SLC6A11: variants seen among roughly 807,000 people sequenced by gnomAD.
The protein encoded by SLC6A11 is sodium- and chloride-dependent GABA transporter 3.
In SLC6A11, 25 loss-of-function variants were observed where a neutral mutation model predicts 74.8. The ratio of observed to expected loss-of-function variants is 0.33; its 90% CI spans 0.24 to 0.47. SLC6A11 has a LOEUF of 0.47. SLC6A11 is among the 20% of genes least tolerant of loss of function. SLC6A11 has a pLI of 1.00. For missense variants in SLC6A11, 574 were observed against 837.0 expected (o/e 0.69, Z 3.88); for synonymous variants, 330 against 330.2 (o/e 1.00, Z 0.01).
chr3:10,855,512 A>T (rs544492315), intron 5 of SLC6A11, among the ~76,000 whole-genome samples: 1 of 152,296 alleles, frequency 6.6e-6, no homozygotes, highest in South Asian at 2.1e-4. Context: ...TCTTATCAGC[A>T]GCAGCATCCA....
chr3:10,901,697 G>C (rs1444290555), intron 6 of SLC6A11, among the ~76,000 whole-genome samples: 1 of 152,198 alleles, frequency 6.6e-6, no homozygotes, highest in Non-Finnish European at 1.5e-5. Context: ...ATCCACCAGG[G>C]AGGGAGCATT....
rs200575540 is a variant in SLC6A11 at position 10,819,699 on chromosome 3, T to G, written c.392-13T>G. The G allele has an allele frequency of 6.2e-7, 1 of 1,613,186 alleles. No individual in the cohort carries two copies. The highest frequency in any genetic ancestry group is 2.2e-5 in the East Asian group (1 of 44,878). Reference sequence around the variant, plus strand: ...GATAGACTCAAATTCCTTCCTTTCTTTTGTCCTTTCAGGCATTGGCTATGC... The same window carrying G: ...GATAGACTCAAATTCCTTCCTTTCTGTTGTCCTTTCAGGCATTGGCTATGC... On this transcript the variant is annotated splice_polypyrimidine_tract_variant and intron_variant, in intron 2 of 13. Transcript: ENST00000254488.
chr3:10,887,324 A>T (rs1695056488), intron 6 of SLC6A11, among the ~76,000 whole-genome samples: 1 of 152,124 alleles, frequency 6.6e-6, no homozygotes, highest in Admixed American at 6.6e-5. Context: ...GGATGGATGG[A>T]TGGATGGATG....
rs975832737 is a variant in SLC6A11, at chr3:10,929,208, T to C, written c.1240T>C (p.Cys414Arg). Residue 414 changes from cysteine to arginine, a missense_variant, in exon 10 of 14, where the codon TGT (cysteine) becomes CGT (arginine). Cys to Arg is a radical substitution (Grantham distance 180, BLOSUM62 -3). This residue lies in a region of SLC6A11 where 257 missense variants were observed against 341.5 expected (regional missense o/e 0.75). Coordinates refer to ENST00000254488, the MANE Select transcript of SLC6A11 (RefSeq NM_014229.3). ...ATCATATCTCCCCATCCAGTTTGTG[T>C]GTGTGGAAAGCCTGGTGACCGCCGT... The part of the protein sequence containing the change: ...IFLGLDSQFV[C>R]VESLVTAVVD... 6.2e-7 allele frequency: 1 copy of C among 1,613,982 alleles called. No individual in the cohort carries two copies. The highest frequency in any genetic ancestry group is 8.5e-7 in the Non-Finnish European group (1 of 1,179,962).
chr3:10,937,505 G>A (rs1307943193), intron 13 of SLC6A11, among the ~76,000 whole-genome samples: 3 of 152,238 alleles, frequency 2.0e-5, no homozygotes, highest in Non-Finnish European at 4.4e-5. Context: ...ACCTTCCTCG[G>A]GAAATGGTTT....
intron 8 of SLC6A11, among the ~76,000 whole-genome samples, chr3:10,925,729 C>T (rs1695595948): frequency 1.3e-5 from 2 of 152,158 alleles, no homozygotes; most frequent in African/African-American, 4.8e-5. Context: ...AGAGACATGT[C>T]CAGAGGAAGG....
intron 4 of SLC6A11, among the ~76,000 whole-genome samples, chr3:10,841,369 T>A (rs903198641): frequency 6.6e-6 from 1 of 152,112 alleles, no homozygotes; most frequent in African/African-American, 2.4e-5. Context: ...CCAGCCCCCA[T>A]CCTCTCAAAG....
chr3:10,882,810 C>G (rs868850202), intron 6 of SLC6A11, among the ~76,000 whole-genome samples: 1 of 152,162 alleles, frequency 6.6e-6, no homozygotes, highest in Non-Finnish European at 1.5e-5. Flanking sequence ...ACAGCCTGCC[C>G]CTTGACCTCT....
At chr3:10,899,324 C>T (rs949581934) in intron 6 of SLC6A11, among the ~76,000 whole-genome samples, 33 of 152,194 alleles carry the variant, frequency 2.2e-4, no homozygotes, top group African/African-American at 6.8e-4. Flanking sequence ...CACTCCCCAG[C>T]CACCACAGAT....
chr3:10,903,869 C>G (rs569478533), intron 6 of SLC6A11, among the ~76,000 whole-genome samples: 1 of 152,328 alleles, frequency 6.6e-6, no homozygotes, highest in East Asian at 1.9e-4. Flanking sequence ...ACCATCTCCC[C>G]AGTCTCCCCA....
chr3:10,920,355 G>C (rs1401191761), intron 8 of SLC6A11, among the ~76,000 whole-genome samples: 2 of 152,218 alleles, frequency 1.3e-5, no homozygotes, highest in East Asian at 3.8e-4. Flanking sequence ...TATCCCGCTA[G>C]GATTTTTCAT....
intron 13 of SLC6A11, among the ~76,000 whole-genome samples, chr3:10,936,235 A>G (rs1695758587): frequency 6.6e-6 from 1 of 152,212 alleles, no homozygotes; most frequent in Admixed American, 6.5e-5. Flanking sequence ...TTTTGTCTCC[A>G]TGGATGAAGA....
At chr3:10,839,602 G>A (rs115712398) in intron 4 of SLC6A11, among the ~76,000 whole-genome samples, 35 of 152,278 alleles carry the variant, frequency 2.3e-4, no homozygotes, top group Middle Eastern at 3.4e-3. Flanking sequence ...GGGCTTGGTC[G>A]CAGGCCCCAT....
chr3:10,830,546 A>G (rs1694281395), intron 4 of SLC6A11, among the ~76,000 whole-genome samples: 1 of 152,114 alleles, frequency 6.6e-6, no homozygotes, highest in Non-Finnish European at 1.5e-5. Context: ...GATTAAGTTG[A>G]GATCAGTTTC....
chr3:10,888,515 T>A (rs1167188355), intron 6 of SLC6A11, among the ~76,000 whole-genome samples: 1 of 152,074 alleles, frequency 6.6e-6, no homozygotes, highest in Non-Finnish European at 1.5e-5. Context: ...TCTGGCTACC[T>A]CCAGAAGTTC....
chr3:10,932,382 T>C (rs1695699890), intron 10 of SLC6A11, among the ~76,000 whole-genome samples: 1 of 152,242 alleles, frequency 6.6e-6, no homozygotes, highest in South Asian at 2.1e-4. Flanking sequence ...CTCCCTACCC[T>C]ATGGAGATCA....
At chr3:10,878,393 A>G (rs927083387) in intron 6 of SLC6A11, among the ~76,000 whole-genome samples, 10 of 138,618 alleles carry the variant, frequency 7.2e-5, no homozygotes, top group African/African-American at 2.7e-4. Flanking sequence ...CTGACCAACC[A>G]TCCACTCATC....
chr3:10,888,289 T>C (rs1440523608), intron 6 of SLC6A11, among the ~76,000 whole-genome samples: 2 of 152,186 alleles, frequency 1.3e-5, no homozygotes, highest in Non-Finnish European at 2.9e-5. Context: ...ATTATAGCTG[T>C]TTAGAAAGGG....
chr3:10,876,143 G>A (rs761188584), intron 6 of SLC6A11, among the ~76,000 whole-genome samples: 17 of 152,204 alleles, frequency 1.1e-4, no homozygotes, highest in Admixed American at 3.9e-4. Context: ...TGGGGGAAGC[G>A]TTTGTTGGGG....
Sources: gnomAD v4.1 joint callset for allele counts (sites outside exome capture counted in the v4.1 genomes callset) on GRCh38, gnomAD v4.1.1 for gene constraint, gnomAD v4.1.1 regional missense constraint, MANE v1.5 for transcripts, NCBI Gene and HGNC (gene_info 2026-07-23, HGNC 2026-07-21) for gene names.